Variants in PCDHA10 observed in about 807,000 individuals in gnomAD.
The protein encoded by PCDHA10 is protocadherin alpha-10.
Under a neutral mutation model 61.2 loss-of-function variants are expected in PCDHA10, and 45 were observed. The ratio of observed to expected loss-of-function variants is 0.74; its 90% CI spans 0.58 to 0.94. The LOEUF is 0.94. PCDHA10 is among the 40% of genes least tolerant of loss of function. The pLI is 0.00. For missense variants in PCDHA10, 1,278 were observed against 1,236.2 expected, an observed-to-expected ratio of 1.03 and a Z score of -0.51; for synonymous variants, 602 against 548.8, an observed-to-expected ratio of 1.10 and a Z score of -1.35.
At chr5:140,939,537 C>T (rs2092406859) in intron 1 of PCDHA10, among the ~76,000 whole-genome samples, 1 of 150,686 alleles carries the variant, frequency 6.6e-6, no homozygotes, top group Non-Finnish European at 1.5e-5. Context: ...TATACAGAGC[C>T]TCTATTTCTT....
intron 1 of PCDHA10, among the ~76,000 whole-genome samples, chr5:140,918,244 T>C (rs1554198493): frequency 6.6e-6 from 1 of 152,236 alleles, no homozygotes; most frequent in South Asian, 2.1e-4. Flanking sequence ...TGATTTTGTA[T>C]GCTGAAACTT....
At chr5:140,879,676 C>G (rs539657930) in intron 1 of PCDHA10, among the ~76,000 whole-genome samples, 1 of 152,308 alleles carries the variant, frequency 6.6e-6, no homozygotes, top group South Asian at 2.1e-4. Flanking sequence ...AAACTGGGTG[C>G]TGTAAAACAG....
intron 1 of PCDHA10, chr5:140,928,706 A>T: frequency 6.2e-7 from 1 of 1,613,858 alleles, no homozygotes; most frequent in Non-Finnish European, 8.5e-7. Flanking sequence ...CGGGCGTCTG[A>T]CTCTAGTCTC....
chr5:140,877,604 T>G (rs376081263), intron 1 of PCDHA10: 2 of 1,613,768 alleles, frequency 1.2e-6, no homozygotes, highest in African/African-American at 1.3e-5. Context: ...TCCAGCCTGC[T>G]GGTGCTCACG....
At chr5:140,988,348 A>T (rs2097293800) in intron 3 of PCDHA10, among the ~76,000 whole-genome samples, 1 of 152,116 alleles carries the variant, frequency 6.6e-6, no homozygotes, top group Admixed American at 6.6e-5. Flanking sequence ...TCCTTTTAAG[A>T]TGCACTTTTA....
At chr5:141,007,395 CAAAAAAAAAAAA>C (rs35800918) in intron 3 of PCDHA10, among the ~76,000 whole-genome samples, 1 of 94,866 alleles carries the variant, frequency 1.1e-5, no homozygotes, top group Non-Finnish European at 2.1e-5. Flanking sequence ...TACTAAAATA[CAAAAAAAAAAAA>C]AAAAAAAAAA....
intron 1 of PCDHA10, among the ~76,000 whole-genome samples, chr5:140,922,354 A>G (rs1208856231): frequency 6.6e-6 from 1 of 152,220 alleles, no homozygotes; most frequent in Non-Finnish European, 1.5e-5. Flanking sequence ...TTTCTAGAGT[A>G]GTGATTCTCA....
At chr5:140,867,151 A>G (rs1437256888) in intron 1 of PCDHA10, 1 of 152,150 alleles carries the variant, frequency 6.6e-6, no homozygotes, top group Non-Finnish European at 1.5e-5. Context: ...ATTTTTCCAG[A>G]GTAAACCTTC....
intron 1 of PCDHA10, among the ~76,000 whole-genome samples, chr5:140,932,121 T>C (rs1343821167): frequency 6.6e-6 from 1 of 151,956 alleles, no homozygotes; most frequent in Non-Finnish European, 1.5e-5. Context: ...ATTGATAATA[T>C]TTAAGATATA....
In PCDHA10 at chr5:140,870,868, G is replaced by T. The variant is rs550915753; in HGVS notation, c.2388+12432G>T. 2.5e-6 allele frequency: 4 copies of T among 1,613,944 alleles called. No homozygotes were observed. The South Asian group carries it at 3.3e-5, about 13-fold the overall frequency. ...ACCGCGGTCGGTGGGTGCGGGCCAC[G>T]TGGTGGCGAAGGTGCGCGCAGTGGA... On this transcript the variant is annotated intron_variant, in intron 1 of 3. Coordinates refer to ENST00000307360, the MANE Select transcript of PCDHA10 (RefSeq NM_018901.4).
At chr5:141,005,422 A>G (rs1383654342) in intron 3 of PCDHA10, among the ~76,000 whole-genome samples, 3 of 152,132 alleles carry the variant, frequency 2.0e-5, no homozygotes, top group African/African-American at 7.2e-5. Flanking sequence ...AGTCATGCTA[A>G]GAATGGATGA....
At chr5:140,945,760 G>T (rs2093839081) in intron 1 of PCDHA10, among the ~76,000 whole-genome samples, 2 of 152,154 alleles carry the variant, frequency 1.3e-5, no homozygotes, top group East Asian at 1.9e-4. Flanking sequence ...AAATGGTGGT[G>T]GGACAATTTG....
chr5:141,006,689 G>A (rs1249412460), intron 3 of PCDHA10, among the ~76,000 whole-genome samples: 2 of 152,072 alleles, frequency 1.3e-5, no homozygotes, highest in Non-Finnish European at 2.9e-5. Context: ...TGGGAGAAGA[G>A]GACAGAGTCA....
At chr5:140,968,353 C>A (rs1377792748) in intron 1 of PCDHA10, 1 of 1,614,106 alleles carries the variant, frequency 6.2e-7, no homozygotes, top group Non-Finnish European at 8.5e-7. Context: ...GTGCCAGTGG[C>A]AGCCTTTATG....
At chr5:140,993,720 T>C (rs1201014213) in intron 3 of PCDHA10, among the ~76,000 whole-genome samples, 2 of 152,172 alleles carry the variant, frequency 1.3e-5, no homozygotes, top group Non-Finnish European at 2.9e-5. Context: ...TTACTGTACC[T>C]TTTCTATGTT....
chr5:140,963,032 T>C (rs541613535), intron 1 of PCDHA10, among the ~76,000 whole-genome samples: 8 of 152,290 alleles, frequency 5.3e-5, no homozygotes, highest in African/African-American at 1.9e-4. Context: ...CAATTAACAT[T>C]TATTGAGAGT....
intron 1 of PCDHA10, chr5:140,968,724 G>C: frequency 6.2e-7 from 1 of 1,614,090 alleles, no homozygotes; most frequent in Non-Finnish European, 8.5e-7. Context: ...GATGAGAGTG[G>C]TAGCACTTTC....
At position 140,857,133 on chromosome 5, in the gene PCDHA10, C is replaced by T; in HGVS notation, c.1085C>T (p.Ala362Val). 1.9e-6 allele frequency: 3 copies of T among 1,598,212 alleles called. No homozygotes were observed. Among genetic ancestry groups the T allele is most frequent in the South Asian group, 1.1e-5 (1 of 90,528 alleles). The change falls in exon 1 of 4, where the codon GCT becomes GTT. Residue 362 changes from alanine (A) to valine (V), a missense_variant. Ala to Val is a moderately conservative substitution (Grantham distance 64). Transcript: ENST00000307360. ...CTGTCTCTCCCAGTGAAAGAAGATG[C>T]TCAAGTGGGCACCGTCATTGCCCTA... ...TSLSLPVKED[A>V]QVGTVIALIS...
chr5:140,872,007 G>A (rs974078446), intron 1 of PCDHA10, among the ~76,000 whole-genome samples: 7 of 152,176 alleles, frequency 4.6e-5, no homozygotes, highest in African/African-American at 1.4e-4. Flanking sequence ...ATTTACAGGT[G>A]ACCTGTAGCC....
Sources: gnomAD v4.1 joint callset for allele counts (sites outside exome capture counted in the v4.1 genomes callset) on GRCh38, gnomAD v4.1.1 for gene constraint, MANE v1.5 for transcripts, NCBI Gene and HGNC (gene_info 2026-07-23, HGNC 2026-07-21) for gene names.